The following PIK3R1 variants were observed in gnomAD, a reference collection of about 807,000 sequenced individuals.
PIK3R1 encodes the protein phosphoinositide-3-kinase regulatory subunit 1.
Under a neutral mutation model 98.0 loss-of-function variants are expected in PIK3R1, and 29 were observed. That is an observed-to-expected ratio of 0.30 (90% CI 0.22 to 0.40). The LOEUF is 0.40. Among genes scored for constraint, PIK3R1 ranks in the 10% least tolerant of loss-of-function variants. PIK3R1 has a pLI of 1.00. For missense variants in PIK3R1, 596 were observed against 872.7 expected (o/e 0.68, Z 3.99); for synonymous variants, 282 against 311.8 (o/e 0.90, Z 1.01).
chr5:68,289,104 C>T (rs1215390438), intron 7 of PIK3R1, among the ~76,000 whole-genome samples: 1 of 152,154 alleles, frequency 6.6e-6, no homozygotes, highest in Non-Finnish European at 1.5e-5. Flanking sequence ...ACCGACGGTT[C>T]CCAAATGCAT....
chr5:68,253,682 T>C (rs556542324), intron 2 of PIK3R1, among the ~76,000 whole-genome samples: 3 of 152,310 alleles, frequency 2.0e-5, no homozygotes, highest in Admixed American at 2.0e-4. Context: ...AGCTATTAAT[T>C]AAAAACAGCC....
intron 2 of PIK3R1, among the ~76,000 whole-genome samples, chr5:68,252,851 C>T (rs1196015945): frequency 6.6e-6 from 1 of 152,162 alleles, no homozygotes; most frequent in Admixed American, 6.5e-5. Flanking sequence ...ACCCCGCTGC[C>T]ATCCAGTGGC....
At chr5:68,263,856 T>G (rs1746008729) in intron 2 of PIK3R1, among the ~76,000 whole-genome samples, 1 of 151,530 alleles carries the variant, frequency 6.6e-6, no homozygotes, top group South Asian at 2.1e-4. Flanking sequence ...AGGTCATTGC[T>G]TTCCCTTCCT....
intron 2 of PIK3R1, among the ~76,000 whole-genome samples, chr5:68,231,006 C>T (rs928728719): frequency 1.3e-5 from 2 of 152,090 alleles, no homozygotes; most frequent in Admixed American, 6.5e-5. Context: ...CATCCCATCC[C>T]GCTACACCAA....
chr5:68,291,271 CA>C (rs1747370263), intron 7 of PIK3R1: 1 of 152,790 alleles, frequency 6.5e-6, no homozygotes, highest in African/African-American at 2.4e-5. Flanking sequence ...GATTACAACT[CA>C]GTTCTCTAAA....
At chr5:68,240,092 T>G (rs1463818659) in intron 2 of PIK3R1, among the ~76,000 whole-genome samples, 1 of 149,836 alleles carries the variant, frequency 6.7e-6, no homozygotes, top group Non-Finnish European at 1.5e-5. Flanking sequence ...TCAACTTTTA[T>G]ATATATATTA....
At position 68,279,738 on chromosome 5, in the gene PIK3R1, G is replaced by GT. The variant is rs754140436; in HGVS notation, c.634+11dup. Reference sequence around the variant, plus strand: ...AAATGATTTCTTTAGCTCCAGGTTTGTTTTTTCTCTTCTGGGAACCTCATT... The same window carrying GT: ...AAATGATTTCTTTAGCTCCAGGTTTGTTTTTTTCTCTTCTGGGAACCTCATT... On this transcript the variant is annotated splice_donor_region_variant and intron_variant, in intron 5 of 15. Coordinates refer to ENST00000521381, the MANE Select transcript of PIK3R1 (RefSeq NM_181523.3). 3.1e-6 allele frequency: 5 copies of GT among 1,613,954 alleles called. No homozygotes were observed. In the South Asian group the frequency reaches 5.5e-5, roughly 18 times the overall value.
intron 2 of PIK3R1, among the ~76,000 whole-genome samples, chr5:68,235,904 T>A (rs1202256633): frequency 6.6e-6 from 1 of 150,794 alleles, no homozygotes; most frequent in Non-Finnish European, 1.5e-5. Context: ...TGAATCTTGC[T>A]CTGTTGCCCA....
intron 2 of PIK3R1, among the ~76,000 whole-genome samples, chr5:68,230,804 A>G (rs1349462174): frequency 6.6e-6 from 1 of 152,108 alleles, no homozygotes; most frequent in African/African-American, 2.4e-5. Flanking sequence ...CAATATGAGG[A>G]TGACGTTTTA....
At chr5:68,293,276 A>ACCTTTATTTTTATATTGTTTT (rs1294677633) in intron 9 of PIK3R1, 27 bp from the exon 10 acceptor site, 2 of 1,599,114 alleles carry the variant, frequency 1.3e-6, no homozygotes, top group African/African-American at 2.7e-5. Context: ...AAATGTTAAT[A>ACCTTTATTTTTATATTGTTTT]CCTTTATTTT....
chr5:68,217,195 G>C (rs1027441683), intron 1 of PIK3R1, among the ~76,000 whole-genome samples: 1 of 152,148 alleles, frequency 6.6e-6, no homozygotes, highest in Non-Finnish European at 1.5e-5. Context: ...TTGGTGTGAT[G>C]AGGCTCAAGT....
At chr5:68,256,728 G>A (rs1745531610) in intron 2 of PIK3R1, among the ~76,000 whole-genome samples, 1 of 151,722 alleles carries the variant, frequency 6.6e-6, no homozygotes, top group African/African-American at 2.4e-5. Context: ...GCAAGAGTGT[G>A]AGATAATGGA....
intron 7 of PIK3R1, chr5:68,288,853 G>T (rs1747223424): frequency 1.7e-6 from 2 of 1,175,630 alleles, no homozygotes; most frequent in South Asian, 1.2e-5. Flanking sequence ...CCCTGTAAGC[G>T]CTGCCTGGGG....
intron 2 of PIK3R1, among the ~76,000 whole-genome samples, chr5:68,245,380 A>G (rs1468106001): frequency 1.3e-5 from 2 of 152,206 alleles, no homozygotes; most frequent in Non-Finnish European, 2.9e-5. Context: ...TGTGGGAGAT[A>G]TATAGGAGAA....
chr5:68,295,352 A>G (rs1747651637), intron 13 of PIK3R1, 28 bp downstream of exon 13: 1 of 1,612,748 alleles, frequency 6.2e-7, no homozygotes, highest in Admixed American at 1.7e-5. Flanking sequence ...AATCCTATAC[A>G]TGAATAATTG....
chr5:68,233,871 C>G (rs376896707), intron 2 of PIK3R1, among the ~76,000 whole-genome samples: 2 of 152,186 alleles, frequency 1.3e-5, no homozygotes, highest in Non-Finnish European at 2.9e-5. Context: ...CAGGAATACC[C>G]TCTCTGGACT....
At chr5:68,261,747 GT>G (rs1443964659) in intron 2 of PIK3R1, among the ~76,000 whole-genome samples, 1 of 152,140 alleles carries the variant, frequency 6.6e-6, no homozygotes, top group Non-Finnish European at 1.5e-5. Flanking sequence ...AACATCTGTT[GT>G]TTTATTTATA....
At chr5:68,262,294 T>C (rs1745786912) in intron 2 of PIK3R1, among the ~76,000 whole-genome samples, 1 of 151,248 alleles carries the variant, frequency 6.6e-6, no homozygotes, top group African/African-American at 2.4e-5. Context: ...ATTATTAGAA[T>C]TCACTCATTA....
At chr5:68,287,423 A>G (rs1028655252) in intron 7 of PIK3R1, among the ~76,000 whole-genome samples, 2 of 152,152 alleles carry the variant, frequency 1.3e-5, no homozygotes, top group African/African-American at 2.4e-5. Context: ...AATCTTCTGT[A>G]AACCACTTCA....
Sources: allele counts gnomAD v4.1 joint callset (sites outside exome capture counted in the v4.1 genomes callset), GRCh38; gene constraint gnomAD v4.1.1; transcripts MANE v1.5; gene names NCBI Gene and HGNC (gene_info 2026-07-23, HGNC 2026-07-21).